The following ZNF83 variants were observed in gnomAD, a reference collection of about 807,000 sequenced individuals.
ZNF83 encodes the protein zinc finger protein 816B.
For synonymous variants in ZNF83, 209 were observed against 213.0 expected, an observed-to-expected ratio of 0.98 and a Z score of 0.17; for missense variants, 552 against 629.9, an observed-to-expected ratio of 0.88 and a Z score of 1.32.
chr19:52,679,876 C>T (rs1328234887), intron 1 of ZNF83, among the ~76,000 whole-genome samples: 7 of 152,156 alleles, frequency 4.6e-5, no homozygotes, highest in East Asian at 3.9e-4. Context: ...AACAATGACA[C>T]GTACATCAAA....
intron 1 of ZNF83, among the ~76,000 whole-genome samples, chr19:52,683,283 T>C (rs1316826742): frequency 9.4e-6 from 1 of 106,856 alleles, no homozygotes; most frequent in African/African-American, 3.5e-5. Flanking sequence ...TGTGTGTGTA[T>C]GCTCACGTGT....
At chr19:52,630,643 G>C (rs1394678944) in intron 2 of ZNF83, among the ~76,000 whole-genome samples, 1 of 151,450 alleles carries the variant, frequency 6.6e-6, no homozygotes, top group South Asian at 2.1e-4. Context: ...TCCTCCTCTC[G>C]TATCCCCCCA....
At chr19:52,680,674 G>T (rs951130842) in intron 1 of ZNF83, among the ~76,000 whole-genome samples, 5 of 133,822 alleles carry the variant, frequency 3.7e-5, no homozygotes, top group African/African-American at 6.2e-5. Flanking sequence ...GTGCAGTGGC[G>T]CGATCTCGGC....
rs61742678 is a variant in ZNF83, at chr19:52,613,155, T to C, written c.1410A>G (p.Ser470=). The change falls in exon 3 of 3, where the codon TCA becomes TCG. Residue 470 remains serine (S), a synonymous_variant. Transcript: ENST00000301096. ...GGATCGCATGATGATTAGTGAGGCT[T>C]GAACGCATACTAAAAGCTTTGCCAC... 403 of 1,613,726 alleles carry C rather than the reference T, an allele frequency of 2.5e-4. 1 individual carries two copies. The highest frequency in any genetic ancestry group is 3.0e-4 in the Non-Finnish European group (352 of 1,179,946).
At chr19:52,677,468 AG>A (rs2061835806) in intron 1 of ZNF83, among the ~76,000 whole-genome samples, 1 of 152,074 alleles carries the variant, frequency 6.6e-6, no homozygotes, top group Non-Finnish European at 1.5e-5. Flanking sequence ...CATGGGTGAC[AG>A]AGTGAGACTC....
intron 2 of ZNF83, among the ~76,000 whole-genome samples, chr19:52,622,176 G>A (rs1258867287): frequency 6.6e-6 from 1 of 152,008 alleles, no homozygotes; most frequent in Non-Finnish European, 1.5e-5. Flanking sequence ...TCGTTCTGCA[G>A]CAAATACTCC....
At chr19:52,620,291 T>TGTGTGTGTGTGTGTGC (rs1339435763) in intron 2 of ZNF83, among the ~76,000 whole-genome samples, 1 of 150,968 alleles carries the variant, frequency 6.6e-6, no homozygotes, top group African/African-American at 2.5e-5. Flanking sequence ...TGTGTGTGTG[T>TGTGTGTGTGTGTGTGC]GTATATATAG....
chr19:52,687,614 G>GTATATA lies in ZNF83; in HGVS notation c.-283+2828_-283+2829insTATATA, dbSNP rs1437771631. 2.6e-4 allele frequency among the ~76,000 whole-genome samples: 3 copies of GTATATA among 11,626 alleles called. 1 individual carries two copies. In the African/African-American group the frequency reaches 3.1e-3, roughly 12 times the overall value. The allele number at this position is 11,626 out of a possible 152,430, so 7.6% of individuals were successfully genotyped here. A position where few individuals can be genotyped will look rare whatever the true frequency, so the allele number is the denominator to read the frequency against. On this transcript the variant is annotated intron_variant, in intron 1 of 5. Transcript: ENST00000594682. ...TATATATAATGTATATATATATAAT[G>GTATATA]TGTATATATATATATAATGTATATA...
chr19:52,660,777 C>G, exon 2 of ZNF83: 1 of 213,968 alleles, frequency 4.7e-6, no homozygotes, highest in Admixed American at 4.5e-5. Context: ...GAAGAGCCAT[C>G]CTTGTCTCCT....
chr19:52,674,506 G>C (rs547850461), intron 1 of ZNF83, among the ~76,000 whole-genome samples: 2 of 152,100 alleles, frequency 1.3e-5, no homozygotes, highest in Admixed American at 1.3e-4. Context: ...TAGATGACAC[G>C]ATCCTCTGTG....
chr19:52,614,899 TAAAG>T lies in ZNF83; in HGVS notation c.-233-106_-233-103del, dbSNP rs1360516440. On this transcript the variant is annotated intron_variant, in intron 2 of 2. Coordinates refer to ENST00000301096, the Ensembl canonical transcript of ZNF83. Reference sequence around the variant, plus strand: ...AGTACACTAAGAGTAATACTTATGTTAAAGAAAGTTATAAAACTCCCATTCATGA... The same window carrying T: ...AGTACACTAAGAGTAATACTTATGTTAAAGTTATAAAACTCCCATTCATGA... 2.1e-5 allele frequency: 23 copies of T among 1,074,740 alleles called. No homozygotes were observed. In the East Asian group the frequency reaches 2.9e-4, roughly 14 times the overall value. 66.6% of individuals were successfully genotyped at this position (1,074,740 alleles called of 1,614,324 possible). A position where few individuals can be genotyped will look rare whatever the true frequency, so the allele number is the denominator to read the frequency against.
chr19:52,628,639 C>A (rs913815004), intron 2 of ZNF83, among the ~76,000 whole-genome samples: 3 of 151,992 alleles, frequency 2.0e-5, no homozygotes, highest in African/African-American at 7.3e-5. Flanking sequence ...GGTCCTTCAC[C>A]CTTAGCAGCA....
upstream of ZNF83, among the ~76,000 whole-genome samples, chr19:52,642,935 T>A (rs950911709): frequency 6.6e-6 from 1 of 152,160 alleles, no homozygotes; most frequent in African/African-American, 2.4e-5. Flanking sequence ...GATGGGCAGA[T>A]TACTTGAGGT....
intron 1 of ZNF83, among the ~76,000 whole-genome samples, chr19:52,683,857 G>A (rs987245395): frequency 6.6e-6 from 1 of 152,144 alleles, no homozygotes; most frequent in Admixed American, 6.6e-5. Context: ...CCCAGAGTAG[G>A]TGCTGCTGTT....
chr19:52,640,717 C>A (rs1175224698), upstream of ZNF83, among the ~76,000 whole-genome samples: 1 of 152,112 alleles, frequency 6.6e-6, no homozygotes, highest in African/African-American at 2.4e-5. Flanking sequence ...CTGCCCCAGA[C>A]TGAGGGGGGA....
intron 2 of ZNF83, among the ~76,000 whole-genome samples, chr19:52,631,625 C>CG (rs2060964653): frequency 6.6e-6 from 1 of 152,204 alleles, no homozygotes; most frequent in Non-Finnish European, 1.5e-5. Flanking sequence ...GACTTCAATC[C>CG]GGCCTCCCAC....
chr19:52,618,316 G>A (rs62118480), intron 2 of ZNF83, among the ~76,000 whole-genome samples: 53,854 of 151,000 alleles, frequency 0.36, 9,758 homozygotes, highest in Middle Eastern at 0.49. Context: ...CTAGAGTGCA[G>A]TGGCACGATC....
At chr19:52,659,111 T>C (rs920010159) in intron 2 of ZNF83, among the ~76,000 whole-genome samples, 2 of 152,080 alleles carry the variant, frequency 1.3e-5, no homozygotes, top group Non-Finnish European at 2.9e-5. Context: ...TAATGCCCTC[T>C]TGTGAGGAGC....
intron 2 of ZNF83, among the ~76,000 whole-genome samples, chr19:52,623,221 T>G (rs1286014180): frequency 6.6e-6 from 1 of 152,206 alleles, no homozygotes; most frequent in Non-Finnish European, 1.5e-5. Context: ...AGCTGAAGAC[T>G]GTCACTGCCC....
Sources: gnomAD v4.1 joint callset for allele counts (sites outside exome capture counted in the v4.1 genomes callset) on GRCh38, gnomAD v4.1.1 for gene constraint, MANE v1.5 for transcripts, NCBI Gene and HGNC (gene_info 2026-07-23, HGNC 2026-07-21) for gene names.